NBPF20: variants seen among roughly 807,000 people sequenced by gnomAD.
NBPF20 encodes the protein NBPF member 20.
A neutral mutation model predicts 68.1 loss-of-function variants in NBPF20; 90 were observed. That is an observed-to-expected ratio of 1.32 (90% confidence interval 1.11 to 1.58). The LOEUF is 1.58. NBPF20 is among the 40% of genes most tolerant of loss of function. The probability of loss-of-function intolerance (pLI) is 0.00; values close to 1 mark genes in which losing one functional copy is unlikely to be tolerated. For missense variants in NBPF20, 816 were observed against 601.2 expected, an observed-to-expected ratio of 1.36 and a Z score of -3.74; for synonymous variants, 290 against 228.1, an observed-to-expected ratio of 1.27 and a Z score of -2.45.
Position 145,400,541 on chromosome 1 carries a change from C to T in NBPF20, c.620G>A (p.Cys207Tyr), listed in dbSNP as rs1419632647. 5.1e-5 allele frequency: 82 copies of T among 1,612,824 alleles called. No homozygotes were observed. In the East Asian group the frequency reaches 1.7e-3, roughly 34 times the overall value. Residue 207 changes from cysteine (C) to tyrosine (Y), a missense_variant, in exon 6 of 138, where the codon TGT (cysteine) becomes TAT (tyrosine). Cys to Tyr is a radical substitution (Grantham distance 194). Transcript: ENST00000369373. ...ATGGCTATTTGAATAAGTGATGGCA[C>T]ATTCCTCCTGTGAGTCCTCAGGGAC... is the stretch of plus-strand genomic sequence containing the variant.
upstream of NBPF20, among the ~76,000 whole-genome samples, chr1:145,407,514 T>C (rs1405022911): frequency 6.8e-6 from 1 of 146,764 alleles, no homozygotes; most frequent in Admixed American, 6.8e-5. Flanking sequence ...TATATACGTG[T>C]ATATACATAC....
intron 3 of NBPF20, among the ~76,000 whole-genome samples, chr1:145,402,631 A>T (rs1366921459): frequency 2.0e-4 from 31 of 151,548 alleles, no homozygotes; most frequent in African/African-American, 7.5e-4. Context: ...AAACAAAAGT[A>T]GGTGTCTTCC....
intron 13 of NBPF20, among the ~76,000 whole-genome samples, chr1:145,390,349 CACACACAG>C (rs1661945246): frequency 1.5e-5 from 1 of 65,538 alleles, no homozygotes; most frequent in Non-Finnish European, 2.6e-5. Flanking sequence ...CACACAGACA[CACACACAG>C]ACACACACAC....
At chr1:145,292,585 C>G (rs1458383533) in intron 136 of NBPF20, 96 bp from the exon 142 acceptor site, 1 of 744,662 alleles carries the variant, frequency 1.3e-6, no homozygotes, top group Admixed American at 1.9e-5. Context: ...CCTCAGGCTC[C>G]CCAGCATAAG....
At chr1:145,397,058 G>C (rs1305873339) in intron 7 of NBPF20, among the ~76,000 whole-genome samples, 1 of 134,764 alleles carries the variant, frequency 7.4e-6, no homozygotes, top group Non-Finnish European at 1.6e-5. Context: ...TGAGAATGAT[G>C]GTTTCCAGCT....
At position 145,404,539 on chromosome 1, in the gene NBPF20, G is replaced by C. The variant is rs1432993443; in HGVS notation, c.175+559C>G. ...CCCAAAGTGCTGAGATTACAGGAGT[G>C]AGCCACGTTGCACGGCCCCTACTCC... On this transcript the variant is annotated intron_variant, in intron 2 of 137. Coordinates refer to ENST00000369373, the Ensembl canonical transcript of NBPF20. 4.6e-5 allele frequency among the ~76,000 whole-genome samples: 7 copies of C among 152,118 alleles called. 1 individual carries two copies. Among genetic ancestry groups the C allele is most frequent in the African/African-American group, 1.7e-4 (7 of 41,396 alleles).
rs781903597 is a variant in NBPF20 at position 145,291,488 on chromosome 1, C to A, written c.*38G>T. ...AATCTTCACGTGCCTATAGGTCCTG[C>A]CTGCAGGAATGACATCTCTCGGCTT... On this transcript the variant is annotated 3_prime_UTR_variant, in exon 138 of 138. Coordinates refer to ENST00000369373, the Ensembl canonical transcript of NBPF20. 5.6e-6 allele frequency: 9 copies of A among 1,611,846 alleles called. No individual in the cohort carries two copies. The African/African-American group carries it at 6.7e-5, about 12-fold the overall frequency.
At chr1:145,292,026 A>G (rs1232956006) in intron 137 of NBPF20, among the ~76,000 whole-genome samples, 2 of 149,810 alleles carry the variant, frequency 1.3e-5, no homozygotes, top group African/African-American at 5.1e-5. Context: ...CCCAGGTGAC[A>G]TACTGGTAAG....
chr1:145,425,316 G>A, the NBPF20 span, among the ~76,000 whole-genome samples: 7 of 150,790 alleles, frequency 4.6e-5, no homozygotes, highest in Admixed American at 2.6e-4. Context: ...GCGGGTCCCG[G>A]ACTCACCGCC....
intron 7 of NBPF20, among the ~76,000 whole-genome samples, chr1:145,397,725 C>A (rs1192070646): frequency 1.3e-5 from 2 of 152,314 alleles, no homozygotes; most frequent in Non-Finnish European, 2.9e-5. Flanking sequence ...ATCAAATTCA[C>A]ACATAACAAT....
Position 145,402,876 on chromosome 1 carries a change from G to C in NBPF20, c.278+340C>G, listed in dbSNP as rs1305130208. Among the ~76,000 whole-genome samples the C allele has an allele frequency of 2.4e-3, 353 of 149,798 alleles. 2 individuals are homozygous for C. The highest frequency in any genetic ancestry group is 3.4e-3 in the Middle Eastern group (1 of 292). On this transcript the variant is annotated intron_variant, in intron 3 of 137. Coordinates refer to ENST00000369373, the Ensembl canonical transcript of NBPF20. ...AGCCGCAGTCAGTCAGGAGGTGATT[G>C]TCACTAAGGGTAAGTGGGGTGGTGA...
At chr1:145,400,231 T>A (rs1220848528) in intron 6 of NBPF20, among the ~76,000 whole-genome samples, 158 bp downstream of exon 11, 2 of 152,180 alleles carry the variant, frequency 1.3e-5, no homozygotes, top group African/African-American at 4.8e-5. Context: ...GACAAAGTCA[T>A]GACATTAGCT....
At chr1:145,417,189 T>C in the NBPF20 span, among the ~76,000 whole-genome samples, 1 of 150,450 alleles carries the variant, frequency 6.6e-6, no homozygotes, top group African/African-American at 2.4e-5. Context: ...TGATCTTCCA[T>C]GGAGGTTTAG....
intron 8 of NBPF20, 119 bp from the exon 14 acceptor site, chr1:145,394,054 C>T: frequency 9.5e-6 from 7 of 733,064 alleles, no homozygotes; most frequent in Non-Finnish European, 9.9e-6. Flanking sequence ...GAACAGGAGA[C>T]TTTGAGAGAA....
the NBPF20 span, among the ~76,000 whole-genome samples, chr1:145,423,949 C>T: frequency 6.7e-6 from 1 of 149,874 alleles, no homozygotes; most frequent in African/African-American, 2.4e-5. Flanking sequence ...TGTGGTGGTT[C>T]ACTTGGTAAA....
chr1:145,404,966 G>A (rs1297786477), intron 2 of NBPF20, 132 bp downstream of exon 7: 63 of 1,273,682 alleles, frequency 4.9e-5, no homozygotes, highest in African/African-American at 1.3e-4. Context: ...CTAACAAAAT[G>A]TTAAAATACC....
chr1:145,342,818 G>C (rs1294660519), intron 73 of NBPF20, among the ~76,000 whole-genome samples: 1 of 108,136 alleles, frequency 9.2e-6, no homozygotes, highest in African/African-American at 3.9e-5. Flanking sequence ...CACACAGAGA[G>C]AACGAGCTCA....
intron 7 of NBPF20, among the ~76,000 whole-genome samples, chr1:145,397,164 A>G (rs1447012806): frequency 2.7e-5 from 4 of 147,072 alleles, no homozygotes; most frequent in Non-Finnish European, 6.0e-5. Flanking sequence ...AATCCAGTCT[A>G]TCATTGCTGG....
chr1:145,410,737 TGTATATATATATAC>T, the NBPF20 span, among the ~76,000 whole-genome samples: 3 of 144,606 alleles, frequency 2.1e-5, no homozygotes, highest in Middle Eastern at 7.3e-3. Context: ...TGCCTGTCTG[TGTATATATATATAC>T]ATATATATAT....
Sources: gnomAD v4.1 joint callset for allele counts (sites outside exome capture counted in the v4.1 genomes callset) on GRCh38, gnomAD v4.1.1 for gene constraint, MANE v1.5 for transcripts, NCBI Gene and HGNC (gene_info 2026-07-23, HGNC 2026-07-21) for gene names.